CNTN3: variants seen among roughly 807,000 people sequenced by gnomAD.
The protein encoded by CNTN3 is contactin-3.
In CNTN3, 60 loss-of-function variants were observed where a neutral mutation model predicts 119.1. That is an observed-to-expected ratio of 0.50 (90% CI 0.41 to 0.62). The LOEUF is 0.62. CNTN3 is among the 20% of genes least tolerant of loss of function. The probability of loss-of-function intolerance (pLI) is 0.00; values close to 1 mark genes in which losing one functional copy is unlikely to be tolerated. For synonymous variants in CNTN3, 450 were observed against 438.7 expected (o/e 1.03, Z -0.32); for missense variants, 1,101 against 1,242.4 (o/e 0.89, Z 1.71).
intron 22 of CNTN3, among the ~76,000 whole-genome samples, chr3:74,266,126 G>A (rs1215570021): frequency 6.6e-6 from 1 of 151,972 alleles, no homozygotes; most frequent in Non-Finnish European, 1.5e-5. Context: ...TAATTTGTAG[G>A]AGGCAAATAA....
chr3:74,600,604 T>C (rs1704894040), intron 1 of CNTN3, among the ~76,000 whole-genome samples: 1 of 152,072 alleles, frequency 6.6e-6, no homozygotes, highest in South Asian at 2.1e-4. Flanking sequence ...TTCACCCAGA[T>C]CCAACCCCCC....
At chr3:74,500,361 G>A (rs1055906983) in intron 2 of CNTN3, among the ~76,000 whole-genome samples, 1 of 151,692 alleles carries the variant, frequency 6.6e-6, no homozygotes, top group Non-Finnish European at 1.5e-5. Context: ...ATGCTCTGAG[G>A]AGAATTTCCA....
intron 20 of CNTN3, among the ~76,000 whole-genome samples, chr3:74,277,444 G>T (rs1466404525): frequency 6.6e-6 from 1 of 152,094 alleles, no homozygotes; most frequent in East Asian, 1.9e-4. Flanking sequence ...TCACTTCAGG[G>T]ATGCAGGGAT....
At chr3:74,471,521 C>CA (rs909918236) in intron 4 of CNTN3, among the ~76,000 whole-genome samples, 2 of 152,176 alleles carry the variant, frequency 1.3e-5, no homozygotes, top group African/African-American at 4.8e-5. Context: ...TCTCTAGCCT[C>CA]ACTGCCACAG....
intron 5 of CNTN3, among the ~76,000 whole-genome samples, chr3:74,387,964 C>A (rs1704796223): frequency 6.6e-6 from 1 of 152,130 alleles, no homozygotes; most frequent in African/African-American, 2.4e-5. Context: ...TAAAAATGTT[C>A]TTTTCTCTCC....
At chr3:74,478,186 G>C (rs1193887179) in intron 4 of CNTN3, among the ~76,000 whole-genome samples, 1 of 152,142 alleles carries the variant, frequency 6.6e-6, no homozygotes, top group African/African-American at 2.4e-5. Context: ...TAAGCTTTTA[G>C]TGAGCCAAGC....
At chr3:74,564,823 CAG>C (rs1297215820) in intron 1 of CNTN3, among the ~76,000 whole-genome samples, 1 of 152,004 alleles carries the variant, frequency 6.6e-6, no homozygotes, top group Non-Finnish European at 1.5e-5. Context: ...CTTAAACAGC[CAG>C]AGTCTGTTTC....
At chr3:74,531,213 G>A (rs1703688620) in intron 1 of CNTN3, among the ~76,000 whole-genome samples, 1 of 151,884 alleles carries the variant, frequency 6.6e-6, no homozygotes, top group African/African-American at 2.4e-5. Flanking sequence ...AAGACAGGAC[G>A]TTTTAATTTT....
chr3:74,504,901 T>C (rs542717269), intron 2 of CNTN3, among the ~76,000 whole-genome samples: 161 of 152,240 alleles, frequency 1.1e-3, no homozygotes, highest in Admixed American at 2.9e-3. Context: ...ACTGGGTGGC[T>C]TCCAAAACAG....
chr3:74,577,948 T>C (rs1027020095), intron 1 of CNTN3, among the ~76,000 whole-genome samples: 1 of 152,132 alleles, frequency 6.6e-6, no homozygotes, highest in Non-Finnish European at 1.5e-5. Flanking sequence ...GAAAGTTGCA[T>C]TTTAAATGTA....
chr3:74,326,127 C>T (rs774507947), intron 13 of CNTN3, among the ~76,000 whole-genome samples: 5 of 152,062 alleles, frequency 3.3e-5, no homozygotes, highest in Non-Finnish European at 7.4e-5. Context: ...TTCTTTCCCC[C>T]TCTCTGTCTG....
intron 13 of CNTN3, among the ~76,000 whole-genome samples, chr3:74,334,480 G>A (rs1413093788): frequency 6.6e-6 from 1 of 152,044 alleles, no homozygotes; most frequent in East Asian, 1.9e-4. Flanking sequence ...ACAAAACAAA[G>A]TAATGAAAAG....
At chr3:74,450,723 T>C (rs1355336631) in intron 4 of CNTN3, among the ~76,000 whole-genome samples, 1 of 140,640 alleles carries the variant, frequency 7.1e-6, no homozygotes, top group Non-Finnish European at 1.5e-5. Context: ...CCATGTGTTC[T>C]CATTGCTCAA....
chr3:74,542,561 A>G (rs1300464750), intron 1 of CNTN3, among the ~76,000 whole-genome samples: 1 of 152,226 alleles, frequency 6.6e-6, no homozygotes, highest in Non-Finnish European at 1.5e-5. Context: ...TGTGAGAAAC[A>G]TTAAGTACAC....
intron 1 of CNTN3, among the ~76,000 whole-genome samples, chr3:74,548,986 C>T (rs1341839175): frequency 6.6e-6 from 1 of 152,190 alleles, no homozygotes; most frequent in African/African-American, 2.4e-5. Flanking sequence ...GTAACATGGA[C>T]ATTCTACAGA....
intron 4 of CNTN3, among the ~76,000 whole-genome samples, chr3:74,454,936 T>G (rs562348626): frequency 1.3e-5 from 2 of 152,300 alleles, no homozygotes; most frequent in African/African-American, 4.8e-5. Context: ...TGGCTGCCCT[T>G]AACATTTTTT....
chr3:74,484,505 C>T (rs1702816858), intron 4 of CNTN3, among the ~76,000 whole-genome samples: 1 of 151,874 alleles, frequency 6.6e-6, no homozygotes, highest in South Asian at 2.1e-4. Flanking sequence ...GAACATAAAA[C>T]TAAAATATAT....
At chr3:74,268,953 G>T (rs1203470983) in intron 20 of CNTN3, among the ~76,000 whole-genome samples, 1 of 151,000 alleles carries the variant, frequency 6.6e-6, no homozygotes, top group African/African-American at 2.4e-5. Context: ...AGAAATGACT[G>T]CAAATAGAAC....
chr3:74,558,269 C>A (rs1438637393), intron 1 of CNTN3, among the ~76,000 whole-genome samples: 1 of 152,144 alleles, frequency 6.6e-6, no homozygotes, highest in African/African-American at 2.4e-5. Flanking sequence ...CTTCTTAATC[C>A]TACTTCCTTT....
Sources: allele counts gnomAD v4.1 joint callset (sites outside exome capture counted in the v4.1 genomes callset), GRCh38; gene constraint gnomAD v4.1.1; transcripts MANE v1.5; gene names NCBI Gene and HGNC (gene_info 2026-07-23, HGNC 2026-07-21).